CAPZA2: variants seen among roughly 807,000 people sequenced by gnomAD.
CAPZA2 encodes F-actin-capping protein subunit alpha-2.
A neutral mutation model predicts 44.0 loss-of-function variants in CAPZA2; 13 were observed. That is an observed-to-expected ratio of 0.30 (90% CI 0.19 to 0.47). The LOEUF (loss-of-function observed/expected upper bound fraction) is 0.47, where lower values mean the gene tolerates loss of function less well. CAPZA2 is among the 20% of genes least tolerant of loss of function. The pLI is 1.00. For synonymous variants in CAPZA2, 94 were observed against 108.2 expected (o/e 0.87, Z 0.81); for missense variants, 244 against 338.6 (o/e 0.72, Z 2.19).
intron 2 of CAPZA2, 183 bp downstream of exon 2, chr7:116,888,373 T>C: frequency 2.3e-6 from 1 of 444,384 alleles, no homozygotes; most frequent in Non-Finnish European, 4.0e-6. Flanking sequence ...TTATATATGA[T>C]GATTCTGTTA....
chr7:116,909,013 A>G (rs1791551522), intron 6 of CAPZA2, among the ~76,000 whole-genome samples: 2 of 152,188 alleles, frequency 1.3e-5, no homozygotes, highest in African/African-American at 4.8e-5. Flanking sequence ...TTAAATATTT[A>G]CATCATACTT....
chr7:116,892,441 G>T (rs1475320974), intron 2 of CAPZA2, among the ~76,000 whole-genome samples: 1 of 151,840 alleles, frequency 6.6e-6, no homozygotes, highest in Non-Finnish European at 1.5e-5. Context: ...TGCTATTTTT[G>T]AAGTCACCTT....
At chr7:116,879,519 AC>A (rs1796664044) in intron 1 of CAPZA2, among the ~76,000 whole-genome samples, 1 of 152,152 alleles carries the variant, frequency 6.6e-6, no homozygotes, top group Non-Finnish European at 1.5e-5. Context: ...AAACTTTTCC[AC>A]CTCAGATCAT....
At chr7:116,887,623 G>A (rs1304204295) in intron 1 of CAPZA2, among the ~76,000 whole-genome samples, 1 of 152,144 alleles carries the variant, frequency 6.6e-6, no homozygotes, top group South Asian at 2.1e-4. Context: ...TTTGAGGTCA[G>A]GAGTTGAAGA....
chr7:116,893,944 AT>A (rs1224096058), intron 3 of CAPZA2, among the ~76,000 whole-genome samples: 1 of 152,210 alleles, frequency 6.6e-6, no homozygotes, highest in Non-Finnish European at 1.5e-5. Context: ...AGAGACTGTT[AT>A]TTTAGGCTTA....
intron 1 of CAPZA2, among the ~76,000 whole-genome samples, chr7:116,863,495 T>C (rs1796444398): frequency 6.6e-6 from 1 of 152,276 alleles, no homozygotes; most frequent in Non-Finnish European, 1.5e-5. Flanking sequence ...TGGAACCAGA[T>C]GAACGACTTA....
chr7:116,905,797 C>G (rs866722335), intron 5 of CAPZA2, among the ~76,000 whole-genome samples: 1 of 152,170 alleles, frequency 6.6e-6, no homozygotes, highest in Non-Finnish European at 1.5e-5. Flanking sequence ...CAGGCATTCT[C>G]TTAACGACCT....
intron 8 of CAPZA2, 134 bp downstream of exon 8, chr7:116,912,274 C>G: frequency 9.6e-6 from 13 of 1,355,932 alleles, no homozygotes; most frequent in Non-Finnish European, 1.3e-5. Flanking sequence ...TAAGTAATTG[C>G]AAACCTGTAC....
At chr7:116,890,777 CAA>C (rs576504004) in intron 2 of CAPZA2, among the ~76,000 whole-genome samples, 1 of 53,430 alleles carries the variant, frequency 1.9e-5, no homozygotes, top group Non-Finnish European at 3.1e-5. Context: ...GACTCTGTCT[CAA>C]AAAAAAAAAA....
intron 2 of CAPZA2, 106 bp from the exon 3 acceptor site, chr7:116,892,888 T>A (rs1796868048): frequency 1.9e-6 from 1 of 525,080 alleles, no homozygotes; most frequent in Admixed American, 3.4e-5. Flanking sequence ...TTGATCTTGC[T>A]TGTGTTTGGG....
At chr7:116,896,421 T>C (rs984929865) in intron 3 of CAPZA2, among the ~76,000 whole-genome samples, 3 of 152,100 alleles carry the variant, frequency 2.0e-5, no homozygotes, top group African/African-American at 7.2e-5. Context: ...GATTTTCCAG[T>C]GGAGAGTCAG....
intron 1 of CAPZA2, among the ~76,000 whole-genome samples, chr7:116,866,878 G>A (rs896705028): frequency 5.9e-5 from 9 of 152,132 alleles, no homozygotes; most frequent in Admixed American, 5.9e-4. Context: ...TTCAAATGGA[G>A]CTTGCCTAGA....
At chr7:116,864,425 C>T (rs942609450) in intron 1 of CAPZA2, among the ~76,000 whole-genome samples, 23 of 152,080 alleles carry the variant, frequency 1.5e-4, no homozygotes. Flanking sequence ...AAAGCCTGTG[C>T]CGCCTAGTAG....
At chr7:116,876,883 A>G (rs1265500334) in intron 1 of CAPZA2, among the ~76,000 whole-genome samples, 1 of 152,230 alleles carries the variant, frequency 6.6e-6, no homozygotes. Flanking sequence ...CGGAGTGAAC[A>G]GTCAGGGGCT....
intron 4 of CAPZA2, among the ~76,000 whole-genome samples, 200 bp downstream of exon 4, chr7:116,899,035 C>G (rs1043051025): frequency 6.6e-6 from 1 of 151,954 alleles, no homozygotes; most frequent in Non-Finnish European, 1.5e-5. Flanking sequence ...TAGAAATACT[C>G]AGATGTAGTT....
chr7:116,863,154 C>G (rs910853216), intron 1 of CAPZA2, among the ~76,000 whole-genome samples: 3 of 152,218 alleles, frequency 2.0e-5, no homozygotes, highest in Non-Finnish European at 2.9e-5. Context: ...CTTCTCCCTT[C>G]TACTTCCCCC....
intron 3 of CAPZA2, among the ~76,000 whole-genome samples, chr7:116,895,435 C>T (rs1796911853): frequency 6.6e-6 from 1 of 152,038 alleles, no homozygotes; most frequent in African/African-American, 2.4e-5. Flanking sequence ...AGCTTCATTT[C>T]TCTTTTATTA....
chr7:116,885,742 T>C (rs1311505616), intron 1 of CAPZA2, among the ~76,000 whole-genome samples: 1 of 152,106 alleles, frequency 6.6e-6, no homozygotes, highest in Non-Finnish European at 1.5e-5. Flanking sequence ...GGGTGAGGTA[T>C]GGAGGAGGGG....
chr7:116,898,582 G>A (rs1014254039), intron 3 of CAPZA2, among the ~76,000 whole-genome samples, 190 bp from the exon 4 acceptor site: 2 of 152,054 alleles, frequency 1.3e-5, no homozygotes, highest in African/African-American at 4.8e-5. Flanking sequence ...GGACATCATT[G>A]TTCAGTTTTT....
Sources: gnomAD v4.1 joint callset for allele counts (sites outside exome capture counted in the v4.1 genomes callset) on GRCh38, gnomAD v4.1.1 for gene constraint, MANE v1.5 for transcripts, NCBI Gene and HGNC (gene_info 2026-07-23, HGNC 2026-07-21) for gene names.